The following TICAM2 variants were observed in gnomAD, a reference collection of about 807,000 sequenced individuals.
TICAM2 encodes TIR domain containing adaptor molecule 2, also known as TIR domain-containing adapter molecule 2.
Under a neutral mutation model 7.3 loss-of-function variants are expected in TICAM2, and 8 were observed. The ratio of observed to expected loss-of-function variants is 1.10; its 90% CI spans 0.65 to 1.99. The LOEUF is 1.99. Ranked by LOEUF, TICAM2 falls within the 30% of genes most tolerant of loss-of-function variation. TICAM2 has a pLI of 0.00. For missense variants in TICAM2, 304 were observed against 278.8 expected (o/e 1.09, Z -0.65); for synonymous variants, 113 against 99.6 (o/e 1.13, Z -0.80).
chr5:115,591,958 T>A (rs1755320958), intron 1 of TICAM2, among the ~76,000 whole-genome samples: 1 of 151,716 alleles, frequency 6.6e-6, no homozygotes, highest in African/African-American at 2.4e-5. Context: ...GGAAAATAAA[T>A]AAAAAGAAAA....
intron 1 of TICAM2, among the ~76,000 whole-genome samples, chr5:115,590,577 A>G (rs1182727053): frequency 2.0e-5 from 3 of 152,190 alleles, no homozygotes; most frequent in African/African-American, 7.2e-5. Context: ...ACTCAAGTTC[A>G]CTTTCTTTAT....
intron 1 of TICAM2, among the ~76,000 whole-genome samples, chr5:115,597,048 G>C (rs1434586334): frequency 2.0e-5 from 3 of 152,178 alleles, no homozygotes; most frequent in African/African-American, 7.2e-5. Flanking sequence ...TGCCACCCTT[G>C]TTATTTACCC....
At chr5:115,599,038 G>A (rs2112524402) in intron 1 of TICAM2, among the ~76,000 whole-genome samples, 1 of 150,262 alleles carries the variant, frequency 6.7e-6, no homozygotes, top group East Asian at 1.9e-4. Flanking sequence ...AGACCAGCCT[G>A]GGCAACATAG....
intron 1 of TICAM2, among the ~76,000 whole-genome samples, chr5:115,583,707 G>C (rs1378787595): frequency 6.6e-6 from 1 of 152,180 alleles, no homozygotes; most frequent in African/African-American, 2.4e-5. Context: ...TGGTTCCCAG[G>C]GCTGGGAGGA....
intron 1 of TICAM2, among the ~76,000 whole-genome samples, chr5:115,594,900 T>C (rs1294445354): frequency 6.6e-6 from 1 of 152,130 alleles, no homozygotes; most frequent in Non-Finnish European, 1.5e-5. Context: ...AGATTTTTTT[T>C]TAGGAGACAA....
At position 115,602,314 on chromosome 5, in the gene TICAM2, C is replaced by T. The variant is rs1416510450; in HGVS notation, c.-277G>A. ...GCGTGAGTCGGGGGCCCGCAGAGGC[C>T]TCACCCTTGGAGGTCGCCGCTTGTC... On this transcript the variant is annotated 5_prime_UTR_variant, in exon 1 of 2. Transcript: ENST00000427199. The T allele has an allele frequency of 6.6e-6, 1 of 152,330 alleles. No homozygotes were observed. Among genetic ancestry groups the T allele is most frequent in the Non-Finnish European group, 1.5e-5 (1 of 68,188 alleles). The allele number at this position is 152,330 out of a possible 1,614,324, so 9.4% of individuals were successfully genotyped here. A position where few individuals can be genotyped will look rare whatever the true frequency, so the allele number is the denominator to read the frequency against.
At chr5:115,586,418 GAA>G (rs3072127) in intron 1 of TICAM2, among the ~76,000 whole-genome samples, 50,565 of 133,228 alleles carry the variant, frequency 0.38, 8,901 homozygotes, top group Middle Eastern at 0.44. Context: ...TAGAGTGTTG[GAA>G]AAAAAAAAAA....
At chr5:115,590,108 G>A (rs2127199121) in intron 1 of TICAM2, among the ~76,000 whole-genome samples, 1 of 152,286 alleles carries the variant, frequency 6.6e-6, no homozygotes, top group East Asian at 1.9e-4. Context: ...AATACTTTGA[G>A]AAGCCGAGGT....
At chr5:115,599,598 C>T (rs902241572) in intron 1 of TICAM2, among the ~76,000 whole-genome samples, 2 of 152,134 alleles carry the variant, frequency 1.3e-5, no homozygotes, top group Non-Finnish European at 2.9e-5. Flanking sequence ...AGCAACCTAC[C>T]GCACAGGCCC....
At chr5:115,587,024 T>A (rs536691881) in intron 1 of TICAM2, among the ~76,000 whole-genome samples, 2 of 152,038 alleles carry the variant, frequency 1.3e-5, no homozygotes, top group African/African-American at 4.8e-5. Context: ...GAAAAAACAC[T>A]GAGGTACCAG....
chr5:115,597,473 G>A (rs756555656), intron 1 of TICAM2, among the ~76,000 whole-genome samples: 96 of 152,114 alleles, frequency 6.3e-4, no homozygotes, highest in Non-Finnish European at 1.3e-3. Context: ...TTATTCATAT[G>A]ATCGAATCCT....
chr5:115,600,527 G>C (rs1225782123), intron 1 of TICAM2, among the ~76,000 whole-genome samples: 3 of 152,130 alleles, frequency 2.0e-5, no homozygotes, highest in Non-Finnish European at 4.4e-5. Context: ...CAATGAAGCA[G>C]AATGAAATGC....
In TICAM2 at chr5:115,579,370, C is replaced by T. The variant is rs746218638; in HGVS notation, c.*1179G>A. On this transcript the variant is annotated 3_prime_UTR_variant, in exon 2 of 2. Coordinates refer to ENST00000427199, the MANE Select transcript of TICAM2 (RefSeq NM_021649.7). ...AGATAAAGGAGGGTAAATAGTTTGC[C>T]CACAGTTACATTCATCCTCAGTGGC... is the stretch of plus-strand genomic sequence containing the variant. 3 of 152,304 alleles carry T rather than the reference C, an allele frequency of 2.0e-5. No homozygotes were observed. The highest frequency in any genetic ancestry group is 2.9e-5 in the Non-Finnish European group (2 of 68,028). 9.4% of individuals were successfully genotyped at this position (152,304 alleles called of 1,614,324 possible).
intron 1 of TICAM2, among the ~76,000 whole-genome samples, chr5:115,599,023 GT>G (rs1444563580): frequency 6.9e-6 from 1 of 145,976 alleles, no homozygotes; most frequent in Admixed American, 6.9e-5. Flanking sequence ...GAGCCTGTGA[GT>G]TTAAGACCAG....
chr5:115,584,077 C>T (rs17473708), intron 1 of TICAM2, among the ~76,000 whole-genome samples: 6,890 of 152,150 alleles, frequency 0.045, 183 homozygotes, highest in Middle Eastern at 0.11. Context: ...TTACTTATTC[C>T]CATGGTCTCC....
At chr5:115,584,085 T>C (rs2127193241) in intron 1 of TICAM2, among the ~76,000 whole-genome samples, 1 of 152,340 alleles carries the variant, frequency 6.6e-6, no homozygotes, top group East Asian at 1.9e-4. Context: ...TCCCATGGTC[T>C]CCTGCTGGTG....
At chr5:115,594,309 C>T (rs1436002295) in intron 1 of TICAM2, among the ~76,000 whole-genome samples, 1 of 152,216 alleles carries the variant, frequency 6.6e-6, no homozygotes, top group Non-Finnish European at 1.5e-5. Context: ...TGTATGTATA[C>T]ATACATATTC....
At chr5:115,601,127 A>G (rs549733970) in intron 1 of TICAM2, among the ~76,000 whole-genome samples, 4 of 151,244 alleles carry the variant, frequency 2.6e-5, no homozygotes, top group Admixed American at 2.6e-4. Context: ...GCTTAACTCC[A>G]TTTATAACCA....
intron 1 of TICAM2, among the ~76,000 whole-genome samples, chr5:115,599,641 G>A (rs1241894918): frequency 6.6e-6 from 1 of 152,166 alleles, no homozygotes; most frequent in African/African-American, 2.4e-5. Flanking sequence ...CAATAGCACA[G>A]TAACCCCTGA....
Sources: allele counts gnomAD v4.1 joint callset (sites outside exome capture counted in the v4.1 genomes callset), GRCh38; gene constraint gnomAD v4.1.1; transcripts MANE v1.5; gene names NCBI Gene and HGNC (gene_info 2026-07-23, HGNC 2026-07-21).